Variants in BAZ1B observed in about 807,000 individuals in gnomAD.
The protein encoded by BAZ1B is bromodomain adjacent to zinc finger domain 1B, also known as tyrosine-protein kinase BAZ1B.
In BAZ1B, 22 loss-of-function variants were observed where a neutral mutation model predicts 153.8. The observed-to-expected ratio is 0.14, with a 90% CI of 0.10 to 0.20. BAZ1B has a LOEUF of 0.20. Among genes scored for constraint, BAZ1B ranks in the 10% least tolerant of loss-of-function variants. The pLI, the probability that BAZ1B is intolerant of heterozygous loss-of-function variation, is 1.00. For missense variants in BAZ1B, 1,325 were observed against 1,799.3 expected, an observed-to-expected ratio of 0.74 and a Z score of 4.77; for synonymous variants, 676 against 633.4, an observed-to-expected ratio of 1.07 and a Z score of -1.01.
chr7:73,491,497 G>A (rs1789642224), intron 5 of BAZ1B, among the ~76,000 whole-genome samples: 1 of 152,064 alleles, frequency 6.6e-6, no homozygotes, highest in African/African-American at 2.4e-5. Context: ...TACTTGGGAG[G>A]CTGAGGCTGG....
intron 7 of BAZ1B, among the ~76,000 whole-genome samples, chr7:73,474,235 C>CA (rs1187056156): frequency 4.7e-4 from 70 of 148,478 alleles, no homozygotes; most frequent in South Asian, 1.7e-3. Flanking sequence ...GAGCCACATG[C>CA]AAAAAAAAAT....
rs567884549 is a variant in BAZ1B, at chr7:73,492,123, G to A, written c.693+677C>T. On this transcript the variant is annotated intron_variant, in intron 5 of 19. Coordinates refer to ENST00000339594, the MANE Select transcript of BAZ1B (RefSeq NM_032408.4). ...GTCTCCTGCCTCAGCCTCCTGAGTA[G>A]CTGGGATTATAGGCGTGCGCCACCA... Among the ~76,000 whole-genome samples the A allele has an allele frequency of 1.7e-4, 25 of 151,438 alleles. 1 individual carries two copies. The highest frequency in any genetic ancestry group is 1.3e-3 in the Admixed American group (19 of 15,176).
In BAZ1B at chr7:73,498,718, G is replaced by A; in HGVS notation, c.370-20C>T. The stretch of plus-strand genomic sequence containing the variant: ...CCCAACCTATAAAGGAGGTAGTAGA[G>A]AAAATCAGAGATAATAAACACCCAG... On this transcript the variant is annotated intron_variant, in intron 3 of 19. Coordinates refer to ENST00000339594, the MANE Select transcript of BAZ1B (RefSeq NM_032408.4). 6.2e-7 allele frequency: 1 copy of A among 1,605,254 alleles called. No homozygotes were observed.
chr7:73,519,757 G>T (rs1004968654), intron 1 of BAZ1B, among the ~76,000 whole-genome samples: 2 of 152,040 alleles, frequency 1.3e-5, no homozygotes, highest in Non-Finnish European at 2.9e-5. Context: ...TCTTCTCTAT[G>T]GCATGTTTCT....
At chr7:73,471,306 T>C (rs545674088) in intron 7 of BAZ1B, among the ~76,000 whole-genome samples, 6 of 152,348 alleles carry the variant, frequency 3.9e-5, no homozygotes, top group South Asian at 4.1e-4. Context: ...TTATTTTACA[T>C]TGAACACCTA....
chr7:73,472,942 C>CTT (rs549183487), intron 7 of BAZ1B, among the ~76,000 whole-genome samples: 6 of 141,072 alleles, frequency 4.3e-5, no homozygotes, highest in Non-Finnish European at 6.2e-5. Context: ...CCCAGCTGAT[C>CTT]TTTTTTTTTT....
chr7:73,498,347 CA>C, intron 4 of BAZ1B, 149 bp downstream of exon 4: 1 of 737,516 alleles, frequency 1.4e-6, no homozygotes, highest in Non-Finnish European at 2.2e-6. Context: ...ATGTTGTGGA[CA>C]TTTTAGTTGT....
At chr7:73,505,342 G>A (rs535711113) in intron 3 of BAZ1B, among the ~76,000 whole-genome samples, 2 of 152,274 alleles carry the variant, frequency 1.3e-5, no homozygotes, top group East Asian at 3.9e-4. Flanking sequence ...AACACACTGA[G>A]AAGAACAGAA....
intron 7 of BAZ1B, among the ~76,000 whole-genome samples, chr7:73,473,748 G>A (rs1386134058): frequency 6.6e-6 from 1 of 152,184 alleles, no homozygotes; most frequent in Non-Finnish European, 1.5e-5. Context: ...AGCACTTTAG[G>A]AGGCTGAAGC....
At chr7:73,521,006 T>C (rs1359023906) in intron 1 of BAZ1B, among the ~76,000 whole-genome samples, 1 of 152,222 alleles carries the variant, frequency 6.6e-6, no homozygotes, top group African/African-American at 2.4e-5. Flanking sequence ...ATAATGCTTA[T>C]GCAAGAAATC....
chr7:73,488,632 TGAG>T (rs138020318), intron 6 of BAZ1B, among the ~76,000 whole-genome samples: 56 of 148,042 alleles, frequency 3.8e-4, no homozygotes, highest in African/African-American at 1.3e-3. Context: ...CTCAGGAGGC[TGAG>T]AAGAAGGAGA....
At position 73,477,839 on chromosome 7, in the gene BAZ1B, T is replaced by C; in HGVS notation, c.1622A>G (p.Glu541Gly). ...HKKRWASMSE[E>G]QRKEYLKKKR... is the part of the protein sequence containing the mutation. ...CTTTTTCAAATATTCTTTCCGTTGTTCTTCAGACATAGAAGCCCACCTCTT... is the reference window on the plus strand; with the variant it reads ...CTTTTTCAAATATTCTTTCCGTTGTCCTTCAGACATAGAAGCCCACCTCTT... Residue 541 changes from glutamate to glycine, a missense_variant, in exon 7 of 20, where the codon GAA becomes GGA. Glu to Gly is a moderately conservative substitution (Grantham distance 98). Coordinates refer to ENST00000339594, the MANE Select transcript of BAZ1B (RefSeq NM_032408.4). The surrounding 1 kb of genome is among the most constrained non-coding windows in gnomAD (Gnocchi z 5.6). 1 of 1,613,944 alleles carries C rather than the reference T, an allele frequency of 6.2e-7. No homozygotes were observed. Among genetic ancestry groups the C allele is most frequent in the Non-Finnish European group, 8.5e-7 (1 of 1,179,986 alleles).
Position 73,450,958 on chromosome 7 carries a change from G to T in BAZ1B, c.3469C>A (p.Arg1157=), listed in dbSNP as rs1013438793. The T allele has an allele frequency of 6.2e-7, 1 of 1,614,108 alleles. No individual in the cohort carries two copies. The highest frequency in any genetic ancestry group is 8.5e-7 in the Non-Finnish European group (1 of 1,180,042). The change falls in exon 14 of 20, where the codon CGG becomes AGG. Residue 1157 remains arginine, a synonymous_variant. Transcript: ENST00000339594. This position sits in a 1 kb window ranked among gnomAD's most constrained non-coding sequence, Gnocchi z 4.1. ...ATCCTGGAGAAAGTCTGAGCTTCCC[G>T]GATTGCTGTCTTCCATTTCTCCAGT... ...SALEKWKTAI[R]EAQTFSRMHV...
intron 2 of BAZ1B, among the ~76,000 whole-genome samples, chr7:73,509,093 G>C (rs62466260): frequency 6.6e-6 from 1 of 151,686 alleles, no homozygotes; most frequent in Admixed American, 6.6e-5. Flanking sequence ...AGGCCAAGGC[G>C]GGCAGATCAC....
At chr7:73,464,302 A>G (rs2116291468) in intron 11 of BAZ1B, 1 of 257,914 alleles carries the variant, frequency 3.9e-6, no homozygotes, top group South Asian at 1.5e-4. Context: ...CAAATATGGC[A>G]GTCGCAAATT....
Position 73,440,920 on chromosome 7 carries a change from C to T in BAZ1B, c.*789G>A, listed in dbSNP as rs1339744672. On this transcript the variant is annotated 3_prime_UTR_variant, in exon 20 of 20. Transcript: ENST00000339594. ...CCATCATAAAAGGGAAAGAAGACTA[C>T]AAAGTTTTGCCTAAATATAACAACT... is the stretch of plus-strand genomic sequence containing the variant. 2.6e-5 allele frequency: 4 copies of T among 152,646 alleles called. No homozygotes were observed. Among genetic ancestry groups the T allele is most frequent in the Non-Finnish European group, 5.9e-5 (4 of 68,034 alleles). The allele number at this position is 152,646 out of a possible 1,614,324, so 9.5% of individuals were successfully genotyped here.
Position 73,459,521 on chromosome 7 carries a change from A to G in BAZ1B, c.3432+15T>C. The G allele has an allele frequency of 1.9e-6, 3 of 1,608,754 alleles. No individual in the cohort carries two copies. Among genetic ancestry groups the G allele is most frequent in the East Asian group, 2.2e-5 (1 of 44,860 alleles). On this transcript the variant is annotated intron_variant, in intron 13 of 19. Transcript: ENST00000339594. ...TCTACGGAATCATAAACTACAACTT[A>G]TAACAACAAAATACCTTTGCTTCCT...
At chr7:73,456,884 G>A (rs1206139916) in intron 13 of BAZ1B, among the ~76,000 whole-genome samples, 2 of 127,778 alleles carry the variant, frequency 1.6e-5, no homozygotes, top group Non-Finnish European at 3.1e-5. Flanking sequence ...GGAGTTTGCA[G>A]TGAGCCAAGA....
intron 13 of BAZ1B, among the ~76,000 whole-genome samples, chr7:73,458,493 T>C (rs1554569855): frequency 6.6e-6 from 1 of 151,966 alleles, no homozygotes; most frequent in South Asian, 2.1e-4. Flanking sequence ...CTAGCCAACA[T>C]GGTGAAACCC....
Sources: gnomAD v4.1 joint callset for allele counts (sites outside exome capture counted in the v4.1 genomes callset) on GRCh38, gnomAD v4.1.1 for gene constraint, Gnocchi (gnomAD v3.1) non-coding constraint, MANE v1.5 for transcripts, NCBI Gene and HGNC (gene_info 2026-07-23, HGNC 2026-07-21) for gene names.